NAALADL2: variants seen among roughly 807,000 people sequenced by gnomAD.
The protein encoded by NAALADL2 is inactive N-acetylated-alpha-linked acidic dipeptidase-like protein 2.
In NAALADL2, 76 loss-of-function variants were observed where a neutral mutation model predicts 87.2. The ratio of observed to expected loss-of-function variants is 0.87; its 90% CI spans 0.72 to 1.05. The LOEUF (loss-of-function observed/expected upper bound fraction) is 1.05. Ranked by LOEUF, NAALADL2 falls within the 50% of genes least tolerant of loss-of-function variation. The pLI, the probability that NAALADL2 is intolerant of heterozygous loss-of-function variation, is 0.00. For synonymous variants in NAALADL2, 354 were observed against 331.0 expected, an observed-to-expected ratio of 1.07 and a Z score of -0.75; for missense variants, 1,089 against 945.8, an observed-to-expected ratio of 1.15 and a Z score of -1.99.
intron 9 of NAALADL2, among the ~76,000 whole-genome samples, chr3:175,475,781 GATC>G (rs1725604013): frequency 6.6e-6 from 1 of 152,132 alleles, no homozygotes; most frequent in East Asian, 1.9e-4. Context: ...CAAGTGGTAT[GATC>G]ATAGCTCACT....
intron 9 of NAALADL2, among the ~76,000 whole-genome samples, chr3:175,535,191 C>G (rs894362759): frequency 6.6e-6 from 1 of 152,176 alleles, no homozygotes; most frequent in South Asian, 2.1e-4. Context: ...ATATTTTCTC[C>G]TAATATGTTT....
intron 4 of NAALADL2, among the ~76,000 whole-genome samples, chr3:175,284,411 T>C (rs919927818): frequency 1.3e-5 from 2 of 152,076 alleles, no homozygotes; most frequent in African/African-American, 4.8e-5. Flanking sequence ...TCTGATTATA[T>C]TATGTCTTCC....
intron 1 of NAALADL2, among the ~76,000 whole-genome samples, chr3:175,064,804 GCGTAGAAATC>G (rs1233710316): frequency 1.3e-5 from 2 of 152,094 alleles, no homozygotes; most frequent in Non-Finnish European, 2.9e-5. Flanking sequence ...AAAACTCTCT[GCGTAGAAATC>G]CTTCCCGGTG....
At chr3:175,050,552 G>T (rs75030756) in intron 1 of NAALADL2, among the ~76,000 whole-genome samples, 19,112 of 152,060 alleles carry the variant, frequency 0.13, 1,474 homozygotes, top group East Asian at 0.26. Context: ...GATGTTTTCT[G>T]ACCAGAAATA....
intron 11 of NAALADL2, among the ~76,000 whole-genome samples, chr3:175,657,018 A>T (rs1304291211): frequency 6.6e-6 from 1 of 152,150 alleles, no homozygotes; most frequent in East Asian, 1.9e-4. Flanking sequence ...AATGAGTGTA[A>T]GAAAACGTAC....
At chr3:175,388,954 T>A (rs902147814) in intron 5 of NAALADL2, among the ~76,000 whole-genome samples, 2 of 152,072 alleles carry the variant, frequency 1.3e-5, no homozygotes, top group Admixed American at 6.6e-5. Context: ...AGAAAAAAAA[T>A]TATTCTGCCC....
chr3:175,510,320 T>A (rs1730985945), intron 9 of NAALADL2, among the ~76,000 whole-genome samples: 1 of 152,148 alleles, frequency 6.6e-6, no homozygotes, highest in Admixed American at 6.5e-5. Context: ...TTATGGGAAC[T>A]AAAATTCAAG....
chr3:174,671,999 A>C (rs902825567), intron 2 of NAALADL2, among the ~76,000 whole-genome samples: 5 of 151,850 alleles, frequency 3.3e-5, no homozygotes, highest in Non-Finnish European at 7.4e-5. Context: ...GTTGTTCTGC[A>C]ATCCTTTATA....
chr3:175,210,655 A>G (rs1741635041), intron 2 of NAALADL2, among the ~76,000 whole-genome samples: 1 of 151,672 alleles, frequency 6.6e-6, no homozygotes, highest in African/African-American at 2.4e-5. Flanking sequence ...GAAGAAAATA[A>G]GAAAAAAGGG....
chr3:174,833,268 G>A (rs983171997), intron 3 of NAALADL2, among the ~76,000 whole-genome samples: 2 of 152,150 alleles, frequency 1.3e-5, no homozygotes, highest in African/African-American at 4.8e-5. Context: ...TCTCTGGAAA[G>A]TAACAGCTTT....
intron 1 of NAALADL2, among the ~76,000 whole-genome samples, chr3:175,002,471 G>A (rs773082822): frequency 7.9e-5 from 12 of 152,118 alleles, no homozygotes; most frequent in South Asian, 2.1e-4. Context: ...GATCTCGATC[G>A]TGTATTGAAA....
chr3:174,865,964 A>G (rs75146096), intron 1 of NAALADL2, among the ~76,000 whole-genome samples: 4,012 of 152,012 alleles, frequency 0.026, 169 homozygotes, highest in African/African-American at 0.091. Flanking sequence ...TAAGATTAAG[A>G]CAATGTAACA....
Position 175,091,601 on chromosome 3 carries a change from A to G in NAALADL2, c.44-5189A>G, listed in dbSNP as rs185335319. ...GAGTTAAAATATTATCAGTAACATTACAGTCAATGAATCAAGTCAAACTTC... is the reference window on the plus strand; with the variant it reads ...GAGTTAAAATATTATCAGTAACATTGCAGTCAATGAATCAAGTCAAACTTC... On this transcript the variant is annotated intron_variant, in intron 1 of 13. Coordinates refer to ENST00000454872, the MANE Select transcript of NAALADL2 (RefSeq NM_207015.3). Among the ~76,000 whole-genome samples the G allele has an allele frequency of 1.8e-3, 268 of 152,158 alleles. No individual in the cohort carries two copies. The Middle Eastern group carries it at 0.034, about 19-fold the overall frequency.
At chr3:175,266,869 G>T (rs1752016544) in intron 4 of NAALADL2, among the ~76,000 whole-genome samples, 1 of 151,692 alleles carries the variant, frequency 6.6e-6, no homozygotes, top group African/African-American at 2.4e-5. Flanking sequence ...AGGTATTATG[G>T]ATATTAAAAC....
chr3:175,648,624 T>C (rs987150388), intron 11 of NAALADL2, among the ~76,000 whole-genome samples: 3 of 152,168 alleles, frequency 2.0e-5, no homozygotes, highest in Admixed American at 1.3e-4. Flanking sequence ...CTTCCAGAGC[T>C]TTCAGCTTCA....
intron 11 of NAALADL2, among the ~76,000 whole-genome samples, chr3:175,692,060 T>C (rs1408816296): frequency 2.6e-5 from 4 of 152,098 alleles, no homozygotes; most frequent in Non-Finnish European, 5.9e-5. Flanking sequence ...TCTCAAGTTG[T>C]ATACCTCTTA....
intron 10 of NAALADL2, among the ~76,000 whole-genome samples, chr3:175,622,958 TA>T (rs1482909802): frequency 6.6e-6 from 1 of 151,872 alleles, no homozygotes; most frequent in Non-Finnish European, 1.5e-5. Flanking sequence ...TAGATCCCAT[TA>T]AAAAGGTGAT....
intron 2 of NAALADL2, among the ~76,000 whole-genome samples, chr3:174,598,419 G>T (rs1307058001): frequency 1.3e-5 from 2 of 152,092 alleles, no homozygotes; most frequent in Non-Finnish European, 2.9e-5. Context: ...AATTAGGTCT[G>T]TGCTAAATGA....
chr3:175,616,329 A>G (rs11917964), intron 10 of NAALADL2, among the ~76,000 whole-genome samples: 28,593 of 149,360 alleles, frequency 0.19, 3,132 homozygotes, highest in African/African-American at 0.29. Flanking sequence ...CTAAATAAAT[A>G]TAATAAATAA....
Sources: gnomAD v4.1 joint callset for allele counts (sites outside exome capture counted in the v4.1 genomes callset) on GRCh38, gnomAD v4.1.1 for gene constraint, MANE v1.5 for transcripts, NCBI Gene and HGNC (gene_info 2026-07-23, HGNC 2026-07-21) for gene names.